The following MTOR variants were observed in gnomAD, a reference collection of about 807,000 sequenced individuals.
MTOR encodes serine/threonine-protein kinase mTOR.
Under a neutral mutation model 319.8 loss-of-function variants are expected in MTOR, and 70 were observed. That is an observed-to-expected ratio of 0.22 (90% CI 0.18 to 0.27). The LOEUF is 0.27. MTOR is among the 10% of genes least tolerant of loss of function. The pLI is 1.00. For missense variants in MTOR, 1,890 were observed against 3,274.4 expected, an observed-to-expected ratio of 0.58 and a Z score of 10.32; for synonymous variants, 1,183 against 1,211.4, an observed-to-expected ratio of 0.98 and a Z score of 0.49.
chr1:11,248,235 T>G, intron 6 of MTOR, 141 bp from the exon 7 acceptor site: 1 of 893,966 alleles, frequency 1.1e-6, no homozygotes, highest in Non-Finnish European at 1.7e-6. Flanking sequence ...CTCTTCATGT[T>G]TAGGGTTACA....
rs762097151 is a variant in MTOR, at chr1:11,128,175, A to AAG, written c.5911-51_5911-50dup. 4 of 1,607,054 alleles carry AAG rather than the reference A, an allele frequency of 2.5e-6. No homozygotes were observed. Among genetic ancestry groups the AAG allele is most frequent in the Non-Finnish European group, 3.4e-6 (4 of 1,177,010 alleles). On this transcript the variant is annotated intron_variant, in intron 42 of 57. Transcript: ENST00000361445. This position sits in a 1 kb window ranked among gnomAD's most constrained non-coding sequence, Gnocchi z 5.3. ...TCTATAAAGGAAATGTGGGTTGGGG[A>AAG]AGAGCTGGTATGAATTTTAAGGAGA...
chr1:11,247,725 C>G lies in MTOR; in HGVS notation c.1125G>C (p.Gln375His). ...LMEEKFDQVCQWVLKCRNSKN... is the reference protein window; with the variant it reads ...LMEEKFDQVCHWVLKCRNSKN... ...TGCTATTCCTGCATTTCAGCACCCA[C>G]TGGCACACCTGAGAGAGGAAGGATA... is the stretch of plus-strand genomic sequence containing the variant. The change falls in exon 8 of 58, where the codon CAG becomes CAC. Residue 375 changes from glutamine to histidine, a missense_variant. Physicochemically the swap from Gln to His is conservative, Grantham distance 24. Around this residue, in one of 15 missense-constraint regions of MTOR, gnomAD observed 418 missense variants for 543.1 expected, o/e 0.77. Coordinates refer to ENST00000361445, the MANE Select transcript of MTOR (RefSeq NM_004958.4). 1 of 1,614,192 alleles carries G rather than the reference C, an allele frequency of 6.2e-7. No individual in the cohort carries two copies. Among genetic ancestry groups the G allele is most frequent in the Non-Finnish European group, 8.5e-7 (1 of 1,180,048 alleles).
At chr1:11,126,540 A>G in intron 46 of MTOR, 82 bp downstream of exon 46, 2 of 1,456,834 alleles carry the variant, frequency 1.4e-6, no homozygotes, top group Non-Finnish European at 1.9e-6. Flanking sequence ...GGGAATGGCA[A>G]GCAGTAATTT....
intron 28 of MTOR, chr1:11,194,996 A>T (rs1452885551): frequency 1.2e-6 from 2 of 1,613,946 alleles, no homozygotes; most frequent in Admixed American, 1.7e-5. Flanking sequence ...TGGAGATGAA[A>T]ATCCGCCCAG....
Position 11,235,204 on chromosome 1 carries a change from C to A in MTOR, c.2209-939G>T, listed in dbSNP as rs1312723590. Among the ~76,000 whole-genome samples, 15 of 152,152 alleles carry A rather than the reference C, an allele frequency of 9.9e-5. 1 individual carries two copies. Among genetic ancestry groups the A allele is most frequent in the Admixed American group, 9.8e-4 (15 of 15,270 alleles). ...GGAAATGTGCCTCACGGAGCAGAGC[C>A]CAACTATCTGCAGCAGTGCGGGGCC... On this transcript the variant is annotated intron_variant, in intron 13 of 57. Coordinates refer to ENST00000361445, the MANE Select transcript of MTOR (RefSeq NM_004958.4).
At chr1:11,187,959 C>T (rs1317814765) in intron 28 of MTOR, among the ~76,000 whole-genome samples, 1 of 151,856 alleles carries the variant, frequency 6.6e-6, no homozygotes, top group African/African-American at 2.4e-5. Flanking sequence ...TCCACCTGAT[C>T]CTCCACTGCT....
chr1:11,168,211 CTTT>C (rs561757972), intron 28 of MTOR, among the ~76,000 whole-genome samples: 2 of 142,342 alleles, frequency 1.4e-5, no homozygotes, highest in Non-Finnish European at 1.5e-5. Flanking sequence ...CTCCTCTGAA[CTTT>C]TTTTTTTTTT....
At chr1:11,209,182 C>G in intron 25 of MTOR, 130 bp downstream of exon 25, 2 of 1,078,424 alleles carry the variant, frequency 1.9e-6, no homozygotes, top group Non-Finnish European at 2.7e-6. Context: ...GATCTAAGTT[C>G]ATGGTATCTA....
At position 11,129,140 on chromosome 1, in the gene MTOR, G is replaced by C. The variant is rs1224416895; in HGVS notation, c.5715-189C>G. Among the ~76,000 whole-genome samples the C allele has an allele frequency of 6.6e-6, 1 of 152,174 alleles. No individual in the cohort carries two copies. The highest frequency in any genetic ancestry group is 1.5e-5 in the Non-Finnish European group (1 of 68,030). Reference sequence around the variant, plus strand: ...GTGCTCTTGACTGAACACCGTAAGAGTCACCCTGAGCAAATGAGCATTTCA... The same window carrying C: ...GTGCTCTTGACTGAACACCGTAAGACTCACCCTGAGCAAATGAGCATTTCA... On this transcript the variant is annotated intron_variant, in intron 40 of 57. Transcript: ENST00000361445. The surrounding 1 kb of genome is among the most constrained non-coding windows in gnomAD (Gnocchi z 4.7).
chr1:11,235,746 G>A (rs1004722733), intron 13 of MTOR, among the ~76,000 whole-genome samples: 1 of 152,178 alleles, frequency 6.6e-6, no homozygotes, highest in African/African-American at 2.4e-5. Context: ...CACTTTGGGA[G>A]GCCGAAGCGG....
intron 13 of MTOR, among the ~76,000 whole-genome samples, chr1:11,235,894 A>G (rs931977844): frequency 6.6e-6 from 1 of 151,970 alleles, no homozygotes; most frequent in African/African-American, 2.4e-5. Flanking sequence ...AGGCAGGAGA[A>G]TCGCTTGAAC....
chr1:11,240,150 G>A lies in MTOR; in HGVS notation c.1786+153C>T, dbSNP rs116576714. Among the ~76,000 whole-genome samples the A allele has an allele frequency of 3.2e-3, 488 of 152,316 alleles. 9 individuals carry two copies. Among genetic ancestry groups the A allele is most frequent in the African/African-American group, 0.011 (454 of 41,572 alleles). ...AAACAAAAGTAGGAATTACCAATACGTGGAAAGAGTCTAGGAAGGATGAGC... is the reference window on the plus strand; with the variant it reads ...AAACAAAAGTAGGAATTACCAATACATGGAAAGAGTCTAGGAAGGATGAGC... On this transcript the variant is annotated intron_variant, in intron 11 of 57. Coordinates refer to ENST00000361445, the MANE Select transcript of MTOR (RefSeq NM_004958.4).
In MTOR at chr1:11,212,590, G is replaced by A. The variant is rs1424431014; in HGVS notation, c.3399-116C>T. ...GGGATGGGAATGAACGGCTTCTAAG[G>A]TATTTTGGATGACATGGATCCAACA... is the stretch of plus-strand genomic sequence containing the variant. On this transcript the variant is annotated intron_variant, in intron 22 of 57. Transcript: ENST00000361445. This position sits in a 1 kb window ranked among gnomAD's most constrained non-coding sequence, Gnocchi z 4.1. 5 of 1,313,962 alleles carry A rather than the reference G, an allele frequency of 3.8e-6. No individual in the cohort carries two copies. The highest frequency in any genetic ancestry group is 4.7e-5 in the Admixed American group (2 of 42,266). 81.4% of individuals were successfully genotyped at this position (1,313,962 alleles called of 1,614,324 possible).
rs1156249804 is a variant in MTOR, at chr1:11,126,529, T to C, written c.6526+93A>G. The C allele has an allele frequency of 8.0e-6, 11 of 1,379,856 alleles. No individual in the cohort carries two copies. The East Asian group carries it at 2.3e-4, about 29-fold the overall frequency. The allele number at this position is 1,379,856 out of a possible 1,614,324, so 85.5% of individuals were successfully genotyped here. Reference sequence around the variant, plus strand: ...AGATGTAGCTATGATAGGTGAGTAGTGGGAATGGCAAGCAGTAATTTCAGA... The same window carrying C: ...AGATGTAGCTATGATAGGTGAGTAGCGGGAATGGCAAGCAGTAATTTCAGA... On this transcript the variant is annotated intron_variant, in intron 46 of 57. Transcript: ENST00000361445.
chr1:11,150,288 C>T, intron 30 of MTOR, 62 bp from the exon 31 acceptor site: 1 of 1,442,228 alleles, frequency 6.9e-7, no homozygotes, highest in South Asian at 1.2e-5. Context: ...CAATCTTCCT[C>T]TCCTGCCCCT....
chr1:11,112,587 AT>A (rs1641944668), intron 54 of MTOR, among the ~76,000 whole-genome samples: 1 of 152,240 alleles, frequency 6.6e-6, no homozygotes, highest in African/African-American at 2.4e-5. Flanking sequence ...TTCAGTAGCC[AT>A]TACCACTTTA....
At position 11,248,111 on chromosome 1, in the gene MTOR, G is replaced by GA. The variant is rs759205492; in HGVS notation, c.841-18dup. 7.6e-5 allele frequency: 118 copies of GA among 1,555,828 alleles called. No individual in the cohort carries two copies. The Middle Eastern group carries it at 2.3e-3, about 30-fold the overall frequency. ...TCTCAGACGCTATATATATGAGGAG[G>GA]AAAAAAATCATCTTTACTTATGACT... On this transcript the variant is annotated splice_polypyrimidine_tract_variant and intron_variant, in intron 6 of 57. Transcript: ENST00000361445.
rs549488977 is a variant in MTOR, at chr1:11,127,528, G to A, written c.6216+96C>T. On this transcript the variant is annotated intron_variant, in intron 44 of 57. Coordinates refer to ENST00000361445, the MANE Select transcript of MTOR (RefSeq NM_004958.4). This position sits in a 1 kb window ranked among gnomAD's most constrained non-coding sequence, Gnocchi z 5.5. Reference sequence around the variant, plus strand: ...AAATCTGACAAAGGCCTTGGGTCACGTCCTTTCATTCTATAAAAACTTTTC... The same window carrying A: ...AAATCTGACAAAGGCCTTGGGTCACATCCTTTCATTCTATAAAAACTTTTC... 13 of 1,419,292 alleles carry A rather than the reference G, an allele frequency of 9.2e-6. No homozygotes were observed. The highest frequency in any genetic ancestry group is 5.7e-5 in the South Asian group (4 of 70,282). The allele number at this position is 1,419,292 out of a possible 1,614,324, so 87.9% of individuals were successfully genotyped here.
At chr1:11,181,672 G>C (rs76777081) in intron 28 of MTOR, among the ~76,000 whole-genome samples, 4,553 of 152,276 alleles carry the variant, frequency 0.03, 177 homozygotes, top group Admixed American at 0.071. Context: ...ATGCCCTACA[G>C]CGAAGACCTC....
Sources: gnomAD v4.1 joint callset for allele counts (sites outside exome capture counted in the v4.1 genomes callset) on GRCh38, gnomAD v4.1.1 for gene constraint, gnomAD v4.1.1 regional missense constraint, Gnocchi (gnomAD v3.1) non-coding constraint, MANE v1.5 for transcripts, NCBI Gene and HGNC (gene_info 2026-07-23, HGNC 2026-07-21) for gene names.